The following SHISA9 variants were observed in gnomAD, a reference collection of about 807,000 sequenced individuals.
The protein encoded by SHISA9 is shisa family member 9.
SHISA9 carries 13 observed loss-of-function variants against 38.0 expected under a neutral mutation model. The observed-to-expected ratio is 0.34, with a 90% CI of 0.22 to 0.54. SHISA9 has a LOEUF of 0.54. Among genes scored for constraint, SHISA9 ranks in the 20% least tolerant of loss-of-function variants. SHISA9 has a pLI of 0.91. For synonymous variants in SHISA9, 275 were observed against 242.0 expected (o/e 1.14, Z -1.27); for missense variants, 538 against 575.8 (o/e 0.93, Z 0.67).
chr16:13,108,078 G>C (rs2073943901), intron 2 of SHISA9, among the ~76,000 whole-genome samples: 1 of 152,046 alleles, frequency 6.6e-6, no homozygotes, highest in Non-Finnish European at 1.5e-5. Flanking sequence ...GGAGGACAGG[G>C]AGTGGAGGGT....
chr16:13,284,050 C>T, the SHISA9 span, among the ~76,000 whole-genome samples: 1 of 152,160 alleles, frequency 6.6e-6, no homozygotes, highest in African/African-American at 2.4e-5. Flanking sequence ...CTTCATTAAA[C>T]ATTACTCATG....
chr16:13,459,893 C>A, the SHISA9 span, among the ~76,000 whole-genome samples: 1 of 152,116 alleles, frequency 6.6e-6, no homozygotes, highest in Middle Eastern at 3.2e-3. Context: ...TTATAGTCAG[C>A]ATCAAGCTTT....
the SHISA9 span, among the ~76,000 whole-genome samples, chr16:13,529,627 C>T: frequency 1.3e-5 from 2 of 152,224 alleles, no homozygotes; most frequent in African/African-American, 2.4e-5. Flanking sequence ...GCTGCAGTCA[C>T]GCATATTGGC....
the SHISA9 span, among the ~76,000 whole-genome samples, chr16:13,277,557 A>T: frequency 6.6e-6 from 1 of 151,620 alleles, no homozygotes; most frequent in Non-Finnish European, 1.5e-5. Flanking sequence ...TGAGCATGGG[A>T]TGTGTTTCTA....
At chr16:13,087,147 CTTTTTTTTTTTT>C (rs956913326) in intron 2 of SHISA9, among the ~76,000 whole-genome samples, 25 of 81,630 alleles carry the variant, frequency 3.1e-4, no homozygotes, top group Non-Finnish European at 4.9e-4. Context: ...ATGAACTCGT[CTTTTTTTTTTTT>C]TTTTTTTTTT....
At chr16:13,519,692 C>G in the SHISA9 span, among the ~76,000 whole-genome samples, 1 of 152,106 alleles carries the variant, frequency 6.6e-6, no homozygotes, top group Non-Finnish European at 1.5e-5. Context: ...AGAAAACTTA[C>G]AATCATGACA....
chr16:13,220,059 G>C (rs2051208021), intron 4 of SHISA9, among the ~76,000 whole-genome samples: 1 of 152,200 alleles, frequency 6.6e-6, no homozygotes, highest in African/African-American at 2.4e-5. Flanking sequence ...TTATCAGTCA[G>C]CTACTGCCAC....
the SHISA9 span, among the ~76,000 whole-genome samples, chr16:13,530,526 T>C: frequency 6.6e-6 from 1 of 152,180 alleles, no homozygotes; most frequent in Non-Finnish European, 1.5e-5. Context: ...TGGCTGCTGT[T>C]GTTTCTATCC....
chr16:13,472,174 AT>A, the SHISA9 span, among the ~76,000 whole-genome samples: 1 of 152,156 alleles, frequency 6.6e-6, no homozygotes, highest in Non-Finnish European at 1.5e-5. Context: ...GATGTGAATA[AT>A]TGAAGCAATG....
chr16:13,372,762 T>A, the SHISA9 span, among the ~76,000 whole-genome samples: 1 of 152,232 alleles, frequency 6.6e-6, no homozygotes, highest in African/African-American at 2.4e-5. Flanking sequence ...GCTGCAAGAT[T>A]GCAAAGGACG....
chr16:13,435,916 C>T, the SHISA9 span, among the ~76,000 whole-genome samples: 2 of 152,250 alleles, frequency 1.3e-5, no homozygotes, highest in Non-Finnish European at 2.9e-5. Flanking sequence ...CTGTATGGCT[C>T]TTCACAGGAC....
At chr16:13,528,012 A>G in the SHISA9 span, among the ~76,000 whole-genome samples, 1 of 152,192 alleles carries the variant, frequency 6.6e-6, no homozygotes, top group South Asian at 2.1e-4. Flanking sequence ...TCTGCGAACC[A>G]CAGGCTTTTC....
At chr16:12,956,200 G>A (rs1383703122) in intron 2 of SHISA9, among the ~76,000 whole-genome samples, 1 of 98,634 alleles carries the variant, frequency 1.0e-5, no homozygotes, top group African/African-American at 3.4e-5. Flanking sequence ...ACACCTGTCA[G>A]AATGGCTATT....
the SHISA9 span, among the ~76,000 whole-genome samples, chr16:13,416,782 A>AG: frequency 0.14 from 17,411 of 123,868 alleles, 1,253 homozygotes; most frequent in East Asian, 0.2. Flanking sequence ...AAGGGAAGGA[A>AG]GGAAGGAAGG....
chr16:13,018,589 G>A (rs1255508151), intron 2 of SHISA9, among the ~76,000 whole-genome samples: 1 of 152,190 alleles, frequency 6.6e-6, no homozygotes, highest in East Asian at 1.9e-4. Context: ...CCCAGGCAGG[G>A]GGTGTGGAGA....
the SHISA9 span, among the ~76,000 whole-genome samples, chr16:13,400,765 C>G: frequency 6.6e-6 from 1 of 152,170 alleles, no homozygotes; most frequent in African/African-American, 2.4e-5. Flanking sequence ...TCACATTGAC[C>G]CCCAATAAGC....
chr16:13,043,528 A>T (rs937494184), intron 2 of SHISA9, among the ~76,000 whole-genome samples: 1 of 152,224 alleles, frequency 6.6e-6, no homozygotes, highest in Admixed American at 6.5e-5. Context: ...AATGCAAAAC[A>T]CGTTATATTA....
At chr16:13,098,919 A>G (rs1307767178) in intron 2 of SHISA9, among the ~76,000 whole-genome samples, 1 of 152,256 alleles carries the variant, frequency 6.6e-6, no homozygotes, top group Non-Finnish European at 1.5e-5. Flanking sequence ...CTGGTTGTGA[A>G]GAGTAAATAA....
intron 3 of SHISA9, among the ~76,000 whole-genome samples, chr16:13,207,267 C>G (rs1195249603): frequency 6.6e-6 from 1 of 152,128 alleles, no homozygotes; most frequent in Admixed American, 6.5e-5. Context: ...GGGAAAATAG[C>G]AGAGGGATAT....
Sources: gnomAD v4.1 joint callset for allele counts (sites outside exome capture counted in the v4.1 genomes callset) on GRCh38, gnomAD v4.1.1 for gene constraint, MANE v1.5 for transcripts, NCBI Gene and HGNC (gene_info 2026-07-23, HGNC 2026-07-21) for gene names.